Variants in RBFOX1 observed in about 807,000 individuals in gnomAD.
RBFOX1 encodes RNA binding fox-1 homolog 1, also known as RNA binding protein fox-1 homolog 1.
Under a neutral mutation model 57.7 loss-of-function variants are expected in RBFOX1, and 8 were observed. The ratio of observed to expected loss-of-function variants is 0.14; its 90% CI spans 0.08 to 0.25. The LOEUF (loss-of-function observed/expected upper bound fraction) is 0.25. RBFOX1 is among the 10% of genes least tolerant of loss of function. The pLI, the probability that RBFOX1 is intolerant of heterozygous loss-of-function variation, is 1.00. For synonymous variants in RBFOX1, 326 were observed against 222.4 expected (o/e 1.47, Z -4.15); for missense variants, 611 against 548.5 (o/e 1.11, Z -1.14).
intron 1 of RBFOX1, among the ~76,000 whole-genome samples, chr16:6,061,460 T>C (rs1379852604): frequency 6.6e-6 from 1 of 151,980 alleles, no homozygotes; most frequent in Non-Finnish European, 1.5e-5. Flanking sequence ...AGTCATCATA[T>C]ATGTATACAT....
In RBFOX1 at chr16:6,846,614, C is replaced by G. The variant is rs552236139; in HGVS notation, c.-16+191964C>G. On this transcript the variant is annotated intron_variant, in intron 3 of 15. Coordinates refer to ENST00000550418, the MANE Select transcript of RBFOX1 (RefSeq NM_018723.4). ...TGTGGAAACGCACGAAGACCTTTGCCCCTATGAATCATGTATTGGGAAAAC... is the reference window on the plus strand; with the variant it reads ...TGTGGAAACGCACGAAGACCTTTGCGCCTATGAATCATGTATTGGGAAAAC... 5.9e-5 allele frequency among the ~76,000 whole-genome samples: 9 copies of G among 152,240 alleles called. No individual in the cohort carries two copies. In the South Asian group the frequency reaches 1.9e-3, roughly 32 times the overall value.
Position 7,710,762 on chromosome 16 carries a change from A to G in RBFOX1, c.*17A>G. On this transcript the variant is annotated 3_prime_UTR_variant, in exon 16 of 16. Transcript: ENST00000550418. ...CCATACTAAATGACAAAACCATAAA[A>G]ACCTTCCAATGTGGGGAGAAAGGAA... is the stretch of plus-strand genomic sequence containing the variant. 1 of 1,546,334 alleles carries G rather than the reference A, an allele frequency of 6.5e-7. No individual in the cohort carries two copies. Among genetic ancestry groups the G allele is most frequent in the Non-Finnish European group, 8.7e-7 (1 of 1,147,708 alleles).
chr16:7,408,643 C>T (rs1248045417), intron 4 of RBFOX1, among the ~76,000 whole-genome samples: 1 of 152,206 alleles, frequency 6.6e-6, no homozygotes, highest in Non-Finnish European at 1.5e-5. Flanking sequence ...AGGCTGCTAT[C>T]TCCTACAGCA....
At chr16:5,860,850 A>G (rs1358759558) in intron 3 of RBFOX1, among the ~76,000 whole-genome samples, 1 of 152,176 alleles carries the variant, frequency 6.6e-6, no homozygotes, top group African/African-American at 2.4e-5. Flanking sequence ...GCCCTGATCT[A>G]CTCACGCAGC....
chr16:7,504,803 T>TTATATATATATATATTTA (rs2072653377), intron 4 of RBFOX1, among the ~76,000 whole-genome samples: 1 of 66,804 alleles, frequency 1.5e-5, no homozygotes, highest in Non-Finnish European at 2.6e-5. Flanking sequence ...ATATATATAT[T>TTATATATATATATATTTA]TATATATATA....
At chr16:7,310,493 C>G (rs1053365962) in intron 4 of RBFOX1, among the ~76,000 whole-genome samples, 1 of 152,116 alleles carries the variant, frequency 6.6e-6, no homozygotes, top group Non-Finnish European at 1.5e-5. Flanking sequence ...GTGGAGCACC[C>G]AGAGTCCTGT....
At chr16:5,401,514 C>G (rs562650475) in intron 1 of RBFOX1, among the ~76,000 whole-genome samples, 2 of 152,142 alleles carry the variant, frequency 1.3e-5, no homozygotes, top group African/African-American at 4.8e-5. Context: ...TTGTGATAAG[C>G]TTCTGAAGGA....
At chr16:6,289,459 C>A (rs898188365) in intron 1 of RBFOX1, among the ~76,000 whole-genome samples, 1 of 152,090 alleles carries the variant, frequency 6.6e-6, no homozygotes, top group Non-Finnish European at 1.5e-5. Flanking sequence ...CCTAATCATT[C>A]CCTATTTTAA....
In RBFOX1 at chr16:7,683,088, A is replaced by G. The variant is rs12933595; in HGVS notation, c.995+6250A>G. 1.6e-4 allele frequency among the ~76,000 whole-genome samples: 19 copies of G among 122,116 alleles called. 1 individual carries two copies. The highest frequency in any genetic ancestry group is 2.4e-4 in the Non-Finnish European group (14 of 59,044). 80.1% of individuals were successfully genotyped at this position (122,116 alleles called of 152,430 possible). ...ATTGTATATTCTCCAAAAAATTAGG[A>G]TAACTAAGATAATTCTATTTCCTCC... is the stretch of plus-strand genomic sequence containing the variant. On this transcript the variant is annotated intron_variant, in intron 14 of 15. Transcript: ENST00000550418.
intron 4 of RBFOX1, among the ~76,000 whole-genome samples, chr16:7,148,306 A>G (rs2075431801): frequency 6.6e-6 from 1 of 152,220 alleles, no homozygotes; most frequent in Non-Finnish European, 1.5e-5. Flanking sequence ...TTTTCCTTTC[A>G]ATGTTGTTTA....
intron 3 of RBFOX1, among the ~76,000 whole-genome samples, chr16:6,979,954 C>T (rs866168153): frequency 6.6e-6 from 1 of 152,092 alleles, no homozygotes; most frequent in Admixed American, 6.6e-5. Flanking sequence ...TCTGGGGAAG[C>T]TTTCATTTTC....
chr16:6,050,680 A>G (rs1203844118), intron 1 of RBFOX1, among the ~76,000 whole-genome samples: 3 of 152,102 alleles, frequency 2.0e-5, no homozygotes, highest in African/African-American at 4.8e-5. Flanking sequence ...TTCCTTCTTC[A>G]TGGAGTTACC....
At chr16:6,625,782 G>C (rs992142866) in intron 2 of RBFOX1, among the ~76,000 whole-genome samples, 1 of 152,118 alleles carries the variant, frequency 6.6e-6, no homozygotes, top group Non-Finnish European at 1.5e-5. Flanking sequence ...TTAAATTAGA[G>C]CCTCTATAGA....
At chr16:5,650,373 G>A (rs539614913) in intron 3 of RBFOX1, among the ~76,000 whole-genome samples, 58 of 151,980 alleles carry the variant, frequency 3.8e-4, no homozygotes, top group Non-Finnish European at 6.2e-4. Flanking sequence ...AGGGAGCCCC[G>A]TCGAGGGCCT....
At chr16:7,686,534 GGAGA>G (rs2076103253) in intron 14 of RBFOX1, among the ~76,000 whole-genome samples, 1 of 151,978 alleles carries the variant, frequency 6.6e-6, no homozygotes, top group South Asian at 2.1e-4. Flanking sequence ...TTCTTTGGGT[GGAGA>G]GAGAAAGAGA....
chr16:6,408,515 A>T (rs1346151169), intron 2 of RBFOX1, among the ~76,000 whole-genome samples: 1 of 152,094 alleles, frequency 6.6e-6, no homozygotes, highest in South Asian at 2.1e-4. Context: ...CACCCATTCC[A>T]TGGTGGGAAG....
At chr16:7,233,601 A>C (rs1283331437) in intron 4 of RBFOX1, among the ~76,000 whole-genome samples, 1 of 152,136 alleles carries the variant, frequency 6.6e-6, no homozygotes, top group Non-Finnish European at 1.5e-5. Context: ...AGTCTGGGGA[A>C]TACATGTATA....
intron 1 of RBFOX1, among the ~76,000 whole-genome samples, chr16:5,422,980 GTGGGGAGA>G: frequency 2.7e-5 from 3 of 110,668 alleles, no homozygotes; most frequent in Admixed American, 8.6e-5. Context: ...AGAGGGAGGA[GTGGGGAGA>G]GGGAGGAGGG....
At chr16:7,324,447 C>G (rs556354676) in intron 4 of RBFOX1, among the ~76,000 whole-genome samples, 13 of 152,172 alleles carry the variant, frequency 8.5e-5, no homozygotes, top group Non-Finnish European at 1.5e-4. Flanking sequence ...ATCCTCCCCC[C>G]TTCTGAGAGG....
Sources: gnomAD v4.1 joint callset for allele counts (sites outside exome capture counted in the v4.1 genomes callset) on GRCh38, gnomAD v4.1.1 for gene constraint, MANE v1.5 for transcripts, NCBI Gene and HGNC (gene_info 2026-07-23, HGNC 2026-07-21) for gene names.